The following PRR7 variants were observed in gnomAD, a reference collection of about 807,000 sequenced individuals.
PRR7 encodes the protein proline rich 7, synaptic.
A neutral mutation model predicts 18.5 loss-of-function variants in PRR7; 8 were observed. The observed-to-expected ratio is 0.43, with a 90% CI of 0.25 to 0.78. The LOEUF (loss-of-function observed/expected upper bound fraction) is 0.78. PRR7 is among the 30% of genes least tolerant of loss of function. PRR7 has a pLI of 0.22. For synonymous variants in PRR7, 221 were observed against 187.7 expected (o/e 1.18, Z -1.45); for missense variants, 396 against 403.1 (o/e 0.98, Z 0.15).
In PRR7 at chr5:177,455,546, G is replaced by C; in HGVS notation, c.427+52G>C. Reference sequence around the variant, plus strand: ...GATCCGGGCCGCCGGAAGTGGGCGGGCGTTGGAGGGCTCGCTGCTTACCCT... The same window carrying C: ...GATCCGGGCCGCCGGAAGTGGGCGGCCGTTGGAGGGCTCGCTGCTTACCCT... On this transcript the variant is annotated intron_variant, in intron 3 of 3. Coordinates refer to ENST00000323249, the MANE Select transcript of PRR7 (RefSeq NM_030567.5). This position sits in a 1 kb window ranked among gnomAD's most constrained non-coding sequence, Gnocchi z 6.9. 7.0e-7 allele frequency: 1 copy of C among 1,437,312 alleles called. No individual in the cohort carries two copies. Among genetic ancestry groups the C allele is most frequent in the Non-Finnish European group, 9.0e-7 (1 of 1,106,178 alleles). 89.0% of individuals were successfully genotyped at this position (1,437,312 alleles called of 1,614,324 possible).
Position 177,455,543 on chromosome 5 carries a change from C to G in PRR7, c.427+49C>G, listed in dbSNP as rs775229987. 6.9e-7 allele frequency: 1 copy of G among 1,440,448 alleles called. No individual in the cohort carries two copies. The highest frequency in any genetic ancestry group is 2.7e-5 in the East Asian group (1 of 36,568). The allele number at this position is 1,440,448 out of a possible 1,614,324, so 89.2% of individuals were successfully genotyped here. On this transcript the variant is annotated intron_variant, in intron 3 of 3. Transcript: ENST00000323249. The surrounding 1 kb of genome is among the most constrained non-coding windows in gnomAD (Gnocchi z 6.9). Reference sequence around the variant, plus strand: ...GGCGATCCGGGCCGCCGGAAGTGGGCGGGCGTTGGAGGGCTCGCTGCTTAC... The same window carrying G: ...GGCGATCCGGGCCGCCGGAAGTGGGGGGGCGTTGGAGGGCTCGCTGCTTAC...
At position 177,450,814 on chromosome 5, in the gene PRR7, G is replaced by A. The variant is rs561910105; in HGVS notation, c.-324-3142G>A. On this transcript the variant is annotated intron_variant, in intron 1 of 3. Coordinates refer to ENST00000323249, the MANE Select transcript of PRR7 (RefSeq NM_030567.5). This position sits in a 1 kb window ranked among gnomAD's most constrained non-coding sequence, Gnocchi z 6.6. ...GGAAATTTGTTTAAAATGCAAACTC[G>A]GGCCCCATCCTAGACCTACTGAATC... is the stretch of plus-strand genomic sequence containing the variant. Among the ~76,000 whole-genome samples, 12 of 151,528 alleles carry A rather than the reference G, an allele frequency of 7.9e-5. No individual in the cohort carries two copies. Among genetic ancestry groups the A allele is most frequent in the African/African-American group, 2.9e-4 (12 of 40,926 alleles).
chr5:177,448,876 G>A (rs899269489), intron 1 of PRR7, among the ~76,000 whole-genome samples: 1 of 152,242 alleles, frequency 6.6e-6, no homozygotes, highest in Non-Finnish European at 1.5e-5. Context: ...GGCTGTGGGA[G>A]AGAAAATTTA....
Position 177,455,470 on chromosome 5 carries a change from C to A in PRR7, c.403C>A (p.Arg135=), listed in dbSNP as rs1756374222. The change falls in exon 3 of 4, where the codon CGG becomes AGG. Residue 135 remains arginine, a synonymous_variant. Transcript: ENST00000323249. This position sits in a 1 kb window ranked among gnomAD's most constrained non-coding sequence, Gnocchi z 6.9. The part of the protein sequence containing the change: ...PPPTHLSVPP[R]PWSYPRQAES... ...GCCTACGCACCTGTCGGTGCCGCCACGGCCCTGGAGCTACCCGCGCCAAGG... is the reference window on the plus strand; with the variant it reads ...GCCTACGCACCTGTCGGTGCCGCCAAGGCCCTGGAGCTACCCGCGCCAAGG... The A allele has an allele frequency of 2.7e-6, 4 of 1,506,394 alleles. No homozygotes were observed. The highest frequency in any genetic ancestry group is 3.5e-6 in the Non-Finnish European group (4 of 1,135,694). The allele number at this position is 1,506,394 out of a possible 1,614,324, so 93.3% of individuals were successfully genotyped here. A position where few individuals can be genotyped will look rare whatever the true frequency, so the allele number is the denominator to read the frequency against.
rs1756331334 is a variant in PRR7 at position 177,454,864 on chromosome 5, C to A, written c.-204C>A. The A allele has an allele frequency of 3.4e-6, 2 of 583,172 alleles. No individual in the cohort carries two copies. The highest frequency in any genetic ancestry group is 4.8e-6 in the Non-Finnish European group (2 of 413,118). 36.1% of individuals were successfully genotyped at this position (583,172 alleles called of 1,614,324 possible). A position where few individuals can be genotyped will look rare whatever the true frequency, so the allele number is the denominator to read the frequency against. On this transcript the variant is annotated 5_prime_UTR_variant, in exon 3 of 4. Coordinates refer to ENST00000323249, the MANE Select transcript of PRR7 (RefSeq NM_030567.5). The surrounding 1 kb of genome is among the most constrained non-coding windows in gnomAD (Gnocchi z 4.7). ...GCCCCGGGTGAGGCACGCCCGCGCG[C>A]CCGCCGGCGCCATGGGAAGGAGCGG...
chr5:177,455,276 CG>C lies in PRR7; in HGVS notation c.212del (p.Gly71AlafsTer88). On this transcript the variant is annotated frameshift_variant, in exon 3 of 4. Transcript: ENST00000323249. LOFTEE classifies it high-confidence loss of function. The surrounding 1 kb of genome is among the most constrained non-coding windows in gnomAD (Gnocchi z 6.9). ...GAGGGCAGTCTGGCCGGGAGCCCCCCGGGCCTGGCGCCGCCGCAGCCACCAC... is the reference window on the plus strand; with the variant it reads ...GAGGGCAGTCTGGCCGGGAGCCCCCCGGCCTGGCGCCGCCGCAGCCACCAC... ...ELEGSLAGSP[P>X]GLAPPQPPPH... 1 of 1,516,322 alleles carries C rather than the reference CG, an allele frequency of 6.6e-7. No homozygotes were observed. Among genetic ancestry groups the C allele is most frequent in the Non-Finnish European group, 8.8e-7 (1 of 1,140,560 alleles). 93.9% of individuals were successfully genotyped at this position (1,516,322 alleles called of 1,614,324 possible).
In PRR7 at chr5:177,455,337, G is replaced by T; in HGVS notation, c.270G>T (p.Ala90=). The T allele has an allele frequency of 6.7e-7, 1 of 1,488,388 alleles. No homozygotes were observed. The highest frequency in any genetic ancestry group is 1.5e-5 in the African/African-American group (1 of 68,340). The allele number at this position is 1,488,388 out of a possible 1,614,324, so 92.2% of individuals were successfully genotyped here. Residue 90 remains alanine (A), a synonymous_variant, in exon 3 of 4, where the codon GCG becomes GCT. Coordinates refer to ENST00000323249, the MANE Select transcript of PRR7 (RefSeq NM_030567.5). The surrounding 1 kb of genome is among the most constrained non-coding windows in gnomAD (Gnocchi z 6.9). ...GCCGCCTGGAGGCGCCGGCTCACGC[G>T]CACTCGCATCCGCACGTGCACGTGC... ...HRSRLEAPAH[A]HSHPHVHVHP...
rs17852209 is a variant in PRR7 at position 177,455,271 on chromosome 5, C to A, written c.204C>A (p.Ser68Arg). Residue 68 changes from serine (S) to arginine (R), a missense_variant, in exon 3 of 4, where the codon AGC becomes AGA. Ser to Arg is a moderately radical substitution (Grantham distance 110). Around this residue, in one of 2 missense-constraint regions of PRR7, gnomAD observed 383 missense variants for 372.6 expected, o/e 1.03. Transcript: ENST00000323249. The surrounding 1 kb of genome is among the most constrained non-coding windows in gnomAD (Gnocchi z 6.9). Reference protein sequence around the residue: ...PLELEGSLAGSPPGLAPPQPP... With the variant: ...PLELEGSLAGRPPGLAPPQPP... ...AACTCGAGGGCAGTCTGGCCGGGAG[C>A]CCCCCGGGCCTGGCGCCGCCGCAGC... 1.3e-6 allele frequency: 2 copies of A among 1,521,572 alleles called. No homozygotes were observed. Among genetic ancestry groups the A allele is most frequent in the Non-Finnish European group, 1.7e-6 (2 of 1,143,194 alleles). 94.3% of individuals were successfully genotyped at this position (1,521,572 alleles called of 1,614,324 possible). A position where few individuals can be genotyped will look rare whatever the true frequency, so the allele number is the denominator to read the frequency against.
rs541289305 is a variant in PRR7, at chr5:177,450,621, G to A, written c.-324-3335G>A. Among the ~76,000 whole-genome samples, 3 of 152,270 alleles carry A rather than the reference G, an allele frequency of 2.0e-5. No individual in the cohort carries two copies. Among genetic ancestry groups the A allele is most frequent in the South Asian group, 4.1e-4 (2 of 4,828 alleles). ...CAGCTGGTAAGGCCGATGGTGCTCGGCCCTGGCCACCCCGGAACATCCTGG... is the reference window on the plus strand; with the variant it reads ...CAGCTGGTAAGGCCGATGGTGCTCGACCCTGGCCACCCCGGAACATCCTGG... On this transcript the variant is annotated intron_variant, in intron 1 of 3. Transcript: ENST00000323249. This position sits in a 1 kb window ranked among gnomAD's most constrained non-coding sequence, Gnocchi z 6.6.
chr5:177,453,155 G>C (rs1756237219), intron 1 of PRR7, among the ~76,000 whole-genome samples: 1 of 152,208 alleles, frequency 6.6e-6, no homozygotes, highest in Admixed American at 6.5e-5. Flanking sequence ...GTTGAAGAGA[G>C]GATTCTGCGT....
In PRR7 at chr5:177,449,699, A is replaced by AG; in HGVS notation, c.-325+2742dup. ...GCTGAGCGCAGTAGACACTGGCCTG[A>AG]GGGAGGGCTCTCCACCTACAAGCCC... On this transcript the variant is annotated intron_variant, in intron 1 of 3. Coordinates refer to ENST00000323249, the MANE Select transcript of PRR7 (RefSeq NM_030567.5). This position sits in a 1 kb window ranked among gnomAD's most constrained non-coding sequence, Gnocchi z 4.2. 6.6e-6 allele frequency among the ~76,000 whole-genome samples: 1 copy of AG among 152,082 alleles called. No homozygotes were observed. Among genetic ancestry groups the AG allele is most frequent in the South Asian group, 2.1e-4 (1 of 4,802 alleles).
chr5:177,455,220 G>C lies in PRR7; in HGVS notation c.153G>C (p.Leu51=). The C allele has an allele frequency of 6.4e-7, 1 of 1,568,706 alleles. No individual in the cohort carries two copies. Among genetic ancestry groups the C allele is most frequent in the Non-Finnish European group, 8.6e-7 (1 of 1,165,394 alleles). Residue 51 remains leucine (L), a synonymous_variant, in exon 3 of 4, where the codon CTG becomes CTC. Coordinates refer to ENST00000323249, the MANE Select transcript of PRR7 (RefSeq NM_030567.5). This position sits in a 1 kb window ranked among gnomAD's most constrained non-coding sequence, Gnocchi z 6.9. ...AGGAGCGACTGCGCGAGCAGAACCT[G>C]CGCGCCCTAGAGCTGGAGCCCCTCG... ...RQEERLREQN[L]RALELEPLEL...
chr5:177,455,719 C>A lies in PRR7; in HGVS notation c.428-5C>A. On this transcript the variant is annotated splice_polypyrimidine_tract_variant and splice_region_variant and intron_variant, in intron 3 of 3. Transcript: ENST00000323249. This position sits in a 1 kb window ranked among gnomAD's most constrained non-coding sequence, Gnocchi z 6.9. ...CACCTCCTCCGACCGCCTCCCACTC[C>A]GCAGCGGAATCGGACATGTCCAAAC... The A allele has an allele frequency of 6.3e-7, 1 of 1,575,804 alleles. No homozygotes were observed. The highest frequency in any genetic ancestry group is 8.6e-7 in the Non-Finnish European group (1 of 1,158,024).
intron 1 of PRR7, chr5:177,448,253 G>C (rs1424533791): frequency 6.6e-6 from 1 of 152,288 alleles, no homozygotes. Context: ...CCTTAGATGG[G>C]TGGTGCCCTG....
In PRR7 at chr5:177,450,177, C is replaced by G. The variant is rs1756116495; in HGVS notation, c.-325+3217C>G. ...CCTGGCGTATGCAAGGCACACAGGACAGGCTGTCAGTCTGTCCTGCCCCCC... is the reference window on the plus strand; with the variant it reads ...CCTGGCGTATGCAAGGCACACAGGAGAGGCTGTCAGTCTGTCCTGCCCCCC... On this transcript the variant is annotated intron_variant, in intron 1 of 3. Coordinates refer to ENST00000323249, the MANE Select transcript of PRR7 (RefSeq NM_030567.5). This position sits in a 1 kb window ranked among gnomAD's most constrained non-coding sequence, Gnocchi z 6.6. Among the ~76,000 whole-genome samples the G allele has an allele frequency of 6.6e-6, 1 of 152,122 alleles. No individual in the cohort carries two copies. The highest frequency in any genetic ancestry group is 1.9e-4 in the East Asian group (1 of 5,192).
In PRR7 at chr5:177,455,088, C is replaced by T; in HGVS notation, c.21C>T (p.Thr7=). The T allele has an allele frequency of 6.7e-7, 1 of 1,493,078 alleles. No homozygotes were observed. The highest frequency in any genetic ancestry group is 8.9e-7 in the Non-Finnish European group (1 of 1,120,804). 92.5% of individuals were successfully genotyped at this position (1,493,078 alleles called of 1,614,324 possible). A position where few individuals can be genotyped will look rare whatever the true frequency, so the allele number is the denominator to read the frequency against. Residue 7 remains threonine, a synonymous_variant, in exon 3 of 4, where the codon ACC becomes ACT. Coordinates refer to ENST00000323249, the MANE Select transcript of PRR7 (RefSeq NM_030567.5). The surrounding 1 kb of genome is among the most constrained non-coding windows in gnomAD (Gnocchi z 6.9). MVMSQG[T]YTFLTCFAGF... is the part of the protein sequence containing the mutation. ...CCGCCATGGTGATGTCCCAGGGCAC[C>T]TACACGTTCCTCACGTGCTTCGCCG...
At chr5:177,453,438 T>C (rs1384726525) in intron 1 of PRR7, among the ~76,000 whole-genome samples, 1 of 152,186 alleles carries the variant, frequency 6.6e-6, no homozygotes, top group Non-Finnish European at 1.5e-5. Context: ...GTTCCTGCCA[T>C]TGTCTGTTCT....
intron 1 of PRR7, 51 bp from the exon 2 acceptor site, chr5:177,453,905 C>T (rs996687958): frequency 2.0e-5 from 3 of 152,286 alleles, no homozygotes; most frequent in Non-Finnish European, 4.4e-5. Flanking sequence ...TGAGCAGTCA[C>T]CTGCCACCCT....
chr5:177,452,544 C>T (rs538510231), intron 1 of PRR7, among the ~76,000 whole-genome samples: 10 of 152,338 alleles, frequency 6.6e-5, no homozygotes, highest in African/African-American at 2.4e-4. Context: ...AGACAGGATT[C>T]CAGTCCCGTG....
Sources: gnomAD v4.1 joint callset for allele counts (sites outside exome capture counted in the v4.1 genomes callset) on GRCh38, gnomAD v4.1.1 for gene constraint, gnomAD v4.1.1 regional missense constraint, Gnocchi (gnomAD v3.1) non-coding constraint, MANE v1.5 for transcripts, NCBI Gene and HGNC (gene_info 2026-07-23, HGNC 2026-07-21) for gene names.